Variants in IL1RAPL2 observed in about 807,000 individuals in gnomAD.
IL1RAPL2 encodes X-linked interleukin-1 receptor accessory protein-like 2.
In IL1RAPL2, 3 loss-of-function variants were observed where a neutral mutation model predicts 44.1. The observed-to-expected ratio is 0.07, with a 90% CI of 0.03 to 0.18. The LOEUF is 0.18. Among genes scored for constraint, IL1RAPL2 ranks in the 10% least tolerant of loss-of-function variants. The pLI, the probability that IL1RAPL2 is intolerant of heterozygous loss-of-function variation, is 1.00. For synonymous variants in IL1RAPL2, 181 were observed against 178.8 expected (o/e 1.01, Z -0.10); for missense variants, 391 against 496.4 (o/e 0.79, Z 2.02).
intron 2 of IL1RAPL2, among the ~76,000 whole-genome samples, chrX:105,013,512 T>G (rs1201878208): frequency 9.1e-6 from 1 of 110,147 alleles, no homozygotes; most frequent in East Asian, 2.9e-4. Flanking sequence ...AGAGGTATAA[T>G]GTCACCAGGA....
chrX:105,100,377 A>C (rs780062882), intron 2 of IL1RAPL2, among the ~76,000 whole-genome samples: 9 of 111,769 alleles, frequency 8.1e-5, no homozygotes, highest in Non-Finnish European at 1.5e-4. Flanking sequence ...CCTTCTGTAC[A>C]TGAAGGCTAA....
At chrX:104,636,211 C>A (rs1303265266) in intron 1 of IL1RAPL2, among the ~76,000 whole-genome samples, 2 of 111,611 alleles carry the variant, frequency 1.8e-5, no homozygotes, top group Non-Finnish European at 3.8e-5. Flanking sequence ...GAAGTTTTGT[C>A]TCAGAGGAGT....
intron 2 of IL1RAPL2, among the ~76,000 whole-genome samples, chrX:105,144,094 GGTGTGTGTGTGTGTGT>G (rs762069943): frequency 4.7e-4 from 37 of 79,565 alleles, no homozygotes; most frequent in Admixed American, 5.9e-4. Flanking sequence ...TCAACAGATG[GGTGTGTGTGTGTGTGT>G]GTGTGTGTGT....
intron 6 of IL1RAPL2, among the ~76,000 whole-genome samples, chrX:105,696,195 A>G (rs986710723): frequency 4.4e-5 from 5 of 112,413 alleles, no homozygotes; most frequent in African/African-American, 1.6e-4. Context: ...TTAAATAACG[A>G]GAATCATAGA....
intron 1 of IL1RAPL2, among the ~76,000 whole-genome samples, chrX:104,619,601 C>T (rs1929346653): frequency 8.9e-6 from 1 of 112,078 alleles, no homozygotes; most frequent in Non-Finnish European, 1.9e-5. Context: ...TATATTTATG[C>T]ACTGTCTTGC....
At chrX:104,784,015 T>G (rs1018931408) in intron 2 of IL1RAPL2, among the ~76,000 whole-genome samples, 2 of 111,020 alleles carry the variant, frequency 1.8e-5, no homozygotes, top group African/African-American at 6.6e-5. Context: ...CTAACCCTGC[T>G]CTATTTACTG....
intron 2 of IL1RAPL2, among the ~76,000 whole-genome samples, chrX:104,756,570 G>A (rs1474094274): frequency 4.5e-5 from 5 of 110,380 alleles, no homozygotes; most frequent in Non-Finnish European, 9.5e-5. Flanking sequence ...CACTGTTCTA[G>A]GTATTGGGCA....
intron 6 of IL1RAPL2, among the ~76,000 whole-genome samples, chrX:105,484,815 A>G (rs1313623948): frequency 8.9e-6 from 1 of 111,846 alleles, no homozygotes; most frequent in Non-Finnish European, 1.9e-5. Context: ...TATTTTCAAT[A>G]TCACAATCCA....
Position 105,352,939 on chromosome X carries a change from G to A in IL1RAPL2, c.697+85398G>A, listed in dbSNP as rs2035168379. Among the ~76,000 whole-genome samples, 6 of 109,638 alleles carry A rather than the reference G, an allele frequency of 5.5e-5. No individual in the cohort carries two copies. The South Asian group carries it at 2.4e-3, about 44-fold the overall frequency. On this transcript the variant is annotated intron_variant, in intron 5 of 10. Transcript: ENST00000372582. ...GTGCAGAAGCTCTTTAGTTTAATTA[G>A]ATCCCATTTGTCAATTTTGGCTTTT... is the stretch of plus-strand genomic sequence containing the variant.
chrX:105,626,462 G>A (rs752078219), intron 6 of IL1RAPL2, among the ~76,000 whole-genome samples: 229 of 111,409 alleles, frequency 2.1e-3, no homozygotes, highest in Non-Finnish European at 3.2e-3. Context: ...GGAAAACAGA[G>A]GAAGATAAAT....
intron 2 of IL1RAPL2, among the ~76,000 whole-genome samples, chrX:104,768,135 A>G (rs1181369698): frequency 2.7e-5 from 3 of 111,648 alleles, no homozygotes; most frequent in African/African-American, 9.8e-5. Context: ...ATCACCTCAC[A>G]TATTATTTTT....
intron 2 of IL1RAPL2, among the ~76,000 whole-genome samples, chrX:104,821,112 A>G (rs1198745125): frequency 8.9e-6 from 1 of 112,162 alleles, no homozygotes; most frequent in Non-Finnish European, 1.9e-5. Context: ...CAATTGCATT[A>G]TATCTCTTCT....
intron 5 of IL1RAPL2, among the ~76,000 whole-genome samples, chrX:105,398,914 T>C (rs1487705989): frequency 9.0e-6 from 1 of 111,539 alleles, no homozygotes; most frequent in Non-Finnish European, 1.9e-5. Context: ...GGAAACTTAG[T>C]CCATACTTGT....
chrX:105,367,230 G>A (rs745861796), intron 5 of IL1RAPL2, among the ~76,000 whole-genome samples: 26 of 111,474 alleles, frequency 2.3e-4, no homozygotes, highest in Non-Finnish European at 4.0e-4. Context: ...TAGAGATAAA[G>A]TGAGTGTCTT....
chrX:104,895,116 C>A (rs922784619), intron 2 of IL1RAPL2, among the ~76,000 whole-genome samples: 1 of 112,093 alleles, frequency 8.9e-6, no homozygotes. Context: ...TGCTGAACAG[C>A]AAATGTTGCT....
chrX:105,122,406 G>C (rs2032934254), intron 2 of IL1RAPL2, among the ~76,000 whole-genome samples: 1 of 111,181 alleles, frequency 9.0e-6, no homozygotes, highest in African/African-American at 3.3e-5. Context: ...TAGAAAATGG[G>C]TTTAAAATAT....
chrX:105,266,924 T>G (rs766920544), intron 4 of IL1RAPL2, among the ~76,000 whole-genome samples: 1 of 111,783 alleles, frequency 8.9e-6, no homozygotes, highest in African/African-American at 3.2e-5. Flanking sequence ...ATTGCCAATA[T>G]AAAATCCTAT....
intron 6 of IL1RAPL2, among the ~76,000 whole-genome samples, chrX:105,607,652 A>AAAAAAAAAAAAT: frequency 9.6e-6 from 1 of 104,597 alleles, no homozygotes; most frequent in Non-Finnish European, 2.0e-5. Context: ...AAAAAAAAAA[A>AAAAAAAAAAAAT]AAAAAAAAAA....
chrX:104,966,726 A>G (rs1028847560), intron 2 of IL1RAPL2, among the ~76,000 whole-genome samples: 2 of 111,330 alleles, frequency 1.8e-5, no homozygotes, highest in African/African-American at 6.5e-5. Flanking sequence ...AATAGAGATC[A>G]ACACACATTT....
Sources: gnomAD v4.1 joint callset for allele counts (sites outside exome capture counted in the v4.1 genomes callset) on GRCh38, gnomAD v4.1.1 for gene constraint, MANE v1.5 for transcripts, NCBI Gene and HGNC (gene_info 2026-07-23, HGNC 2026-07-21) for gene names.